PDE5A: variants seen among roughly 807,000 people sequenced by gnomAD.
The protein encoded by PDE5A is cGMP-specific 3',5'-cyclic phosphodiesterase.
In PDE5A, 67 loss-of-function variants were observed where a neutral mutation model predicts 110.2. The observed-to-expected ratio is 0.61, with a 90% CI of 0.50 to 0.75. The LOEUF (loss-of-function observed/expected upper bound fraction) is 0.75, where lower values mean the gene tolerates loss of function less well. PDE5A is among the 30% of genes least tolerant of loss of function. PDE5A has a pLI of 0.00. For missense variants in PDE5A, 862 were observed against 1,045.1 expected, an observed-to-expected ratio of 0.82 and a Z score of 2.42; for synonymous variants, 328 against 351.2, an observed-to-expected ratio of 0.93 and a Z score of 0.74.
At position 119,497,917 on chromosome 4, in the gene PDE5A, A is replaced by T. The variant is rs907012246; in HGVS notation, c.*684T>A. 1 of 152,184 alleles carries T rather than the reference A, an allele frequency of 6.6e-6. No homozygotes were observed. Among genetic ancestry groups the T allele is most frequent in the Non-Finnish European group, 1.5e-5 (1 of 68,044 alleles). 9.4% of individuals were successfully genotyped at this position (152,184 alleles called of 1,614,324 possible). On this transcript the variant is annotated 3_prime_UTR_variant, in exon 21 of 21. Coordinates refer to ENST00000354960, the MANE Select transcript of PDE5A (RefSeq NM_001083.4). ...GCTTTGCATCAGGTAGGTGAGATGA[A>T]AGTGATTTTATGGGTAGCTTTCAGA...
intron 1 of PDE5A, among the ~76,000 whole-genome samples, chr4:119,625,570 G>C (rs1350972035): frequency 6.6e-6 from 1 of 152,076 alleles, no homozygotes; most frequent in Non-Finnish European, 1.5e-5. Context: ...GCAGATGGAC[G>C]ATCTGGGTGA....
At chr4:119,608,950 A>G (rs951859928) in intron 1 of PDE5A, among the ~76,000 whole-genome samples, 4 of 152,046 alleles carry the variant, frequency 2.6e-5, no homozygotes, top group African/African-American at 9.7e-5. Flanking sequence ...TCATGAGGTC[A>G]GGAAATCGAG....
At chr4:119,535,242 G>A (rs1278896206) in intron 11 of PDE5A, among the ~76,000 whole-genome samples, 1 of 152,040 alleles carries the variant, frequency 6.6e-6, no homozygotes, top group Non-Finnish European at 1.5e-5. Context: ...AATGACAGAG[G>A]CCTTGAGTCA....
intron 3 of PDE5A, among the ~76,000 whole-genome samples, chr4:119,574,498 G>A (rs946393582): frequency 2.0e-5 from 3 of 151,848 alleles, no homozygotes; most frequent in African/African-American, 7.3e-5. Context: ...AGGCTCTTAT[G>A]GACTCCTCTT....
chr4:119,578,542 C>T lies in PDE5A; in HGVS notation c.832-11398G>A, dbSNP rs559981442. 3.2e-3 allele frequency among the ~76,000 whole-genome samples: 489 copies of T among 152,290 alleles called. 2 individuals are homozygous for T. Among genetic ancestry groups the T allele is most frequent in the African/African-American group, 0.011 (466 of 41,548 alleles). ...CCTCAGAAGTAATGCTGCATATCTA[C>T]AACCATCTGATCTTTGACAAACCTG... On this transcript the variant is annotated intron_variant, in intron 3 of 20. Transcript: ENST00000354960.
chr4:119,580,363 C>A (rs1375643438), intron 3 of PDE5A, among the ~76,000 whole-genome samples: 1 of 152,168 alleles, frequency 6.6e-6, no homozygotes, highest in Non-Finnish European at 1.5e-5. Flanking sequence ...CAGCGCATAG[C>A]CATTGCGAGC....
At chr4:119,542,370 A>T (rs1726960587) in intron 10 of PDE5A, 89 bp downstream of exon 10, 1 of 1,195,242 alleles carries the variant, frequency 8.4e-7, no homozygotes. Flanking sequence ...ACAATGACGG[A>T]ACACACACAC....
chr4:119,628,632 G>A lies in PDE5A; in HGVS notation c.40C>T (p.Gln14Ter). 1 of 1,613,854 alleles carries A rather than the reference G, an allele frequency of 6.2e-7. No individual in the cohort carries two copies. The highest frequency in any genetic ancestry group is 8.5e-7 in the Non-Finnish European group (1 of 1,179,980). ...TGCTTCTGCTGCTGGGGCTGCTGCT[G>A]CTGTCGCTGCTGCCCGAAGCTGGGG... Reference protein sequence around the residue: ...AGPSFGQQRQQQQPQQQKQQQ... With the variant: ...AGPSFGQQRQ Residue 14 changes from glutamine (Q) to a stop codon, truncating the protein, a stop_gained, in exon 1 of 21, where the codon CAG (glutamine) becomes TAG (stop). Coordinates refer to ENST00000354960, the MANE Select transcript of PDE5A (RefSeq NM_001083.4). LOFTEE classifies it high-confidence loss of function.
At chr4:119,608,474 A>C (rs1478215179) in intron 1 of PDE5A, among the ~76,000 whole-genome samples, 1 of 152,200 alleles carries the variant, frequency 6.6e-6, no homozygotes, top group Non-Finnish European at 1.5e-5. Flanking sequence ...TCTTCTTTTG[A>C]AACAAACTTC....
chr4:119,502,451 GA>G, intron 19 of PDE5A, 129 bp downstream of exon 19: 1 of 569,830 alleles, frequency 1.8e-6, no homozygotes. Context: ...CTTCCAATGA[GA>G]AAAAAGTTTT....
chr4:119,567,256 G>C (rs1727975248), intron 3 of PDE5A, 112 bp from the exon 4 acceptor site: 1 of 750,556 alleles, frequency 1.3e-6, no homozygotes, highest in East Asian at 2.6e-5. Flanking sequence ...AATAACACTA[G>C]TCTACAAAAC....
chr4:119,499,413 T>C (rs541897309), intron 20 of PDE5A: 1 of 152,202 alleles, frequency 6.6e-6, no homozygotes, highest in African/African-American at 2.4e-5. Flanking sequence ...AATTACTGAA[T>C]TATTAAATGA....
intron 9 of PDE5A, among the ~76,000 whole-genome samples, chr4:119,545,455 C>A (rs1355299069): frequency 1.3e-5 from 2 of 151,934 alleles, no homozygotes; most frequent in African/African-American, 4.8e-5. Flanking sequence ...AAAAGAGAAC[C>A]ATTCAGCAAA....
intron 1 of PDE5A, among the ~76,000 whole-genome samples, chr4:119,621,762 A>C (rs1283516582): frequency 6.6e-6 from 1 of 152,244 alleles, no homozygotes; most frequent in Non-Finnish European, 1.5e-5. Context: ...AATTATGTGC[A>C]TCAATTCTCT....
chr4:119,612,289 G>A (rs1729782814), intron 1 of PDE5A, among the ~76,000 whole-genome samples: 1 of 152,124 alleles, frequency 6.6e-6, no homozygotes, highest in Admixed American at 6.5e-5. Context: ...GATTATGGGG[G>A]CAGATCCCTC....
chr4:119,571,072 GT>G (rs1487547536), intron 3 of PDE5A, among the ~76,000 whole-genome samples: 1 of 152,170 alleles, frequency 6.6e-6, no homozygotes, highest in African/African-American at 2.4e-5. Context: ...ATTCTAATCA[GT>G]GTTAGGCTTG....
intron 1 of PDE5A, among the ~76,000 whole-genome samples, chr4:119,616,809 G>A (rs1355879453): frequency 6.6e-6 from 1 of 151,766 alleles, no homozygotes; most frequent in African/African-American, 2.4e-5. Context: ...TTTTACAATA[G>A]TTTTAACAAA....
At chr4:119,569,126 G>A (rs888193782) in intron 3 of PDE5A, among the ~76,000 whole-genome samples, 5 of 150,656 alleles carry the variant, frequency 3.3e-5, no homozygotes, top group African/African-American at 9.8e-5. Context: ...CTTGATCTTC[G>A]AGGCTGAGGC....
At chr4:119,529,545 C>T (rs547204425) in intron 11 of PDE5A, among the ~76,000 whole-genome samples, 7 of 152,166 alleles carry the variant, frequency 4.6e-5, no homozygotes, top group Admixed American at 3.3e-4. Flanking sequence ...TTTGGGGGGA[C>T]GTGACTCTAG....
Sources: allele counts gnomAD v4.1 joint callset (sites outside exome capture counted in the v4.1 genomes callset), GRCh38; gene constraint gnomAD v4.1.1; transcripts MANE v1.5; gene names NCBI Gene and HGNC (gene_info 2026-07-23, HGNC 2026-07-21).